Variants in MEIOB observed in about 807,000 individuals in gnomAD.
MEIOB encodes the protein meiosis specific with OB-fold.
In MEIOB, 50 loss-of-function variants were observed where a neutral mutation model predicts 53.1. The observed-to-expected ratio is 0.94, with a 90% CI of 0.75 to 1.19. The LOEUF is 1.19. Among genes scored for constraint, MEIOB ranks in the 50% most tolerant of loss-of-function variants. The pLI, the probability that MEIOB is intolerant of heterozygous loss-of-function variation, is 0.00. For missense variants in MEIOB, 551 were observed against 550.8 expected (o/e 1.00, Z 0.00); for synonymous variants, 192 against 182.5 (o/e 1.05, Z -0.42).
At chr16:1,857,979 G>T in intron 5 of MEIOB, 49 bp from the exon 6 acceptor site, 2 of 1,230,560 alleles carry the variant, frequency 1.6e-6, no homozygotes, top group Non-Finnish European at 2.3e-6. Context: ...TCTTTGGAAA[G>T]AAAAATATTT....
chr16:1,870,113 CCACCCG>C (rs1567283746), intron 1 of MEIOB, among the ~76,000 whole-genome samples: 1 of 151,996 alleles, frequency 6.6e-6, no homozygotes, highest in East Asian at 1.9e-4. Flanking sequence ...ACCTGATGAT[CCACCCG>C]CATCAGCCTC....
intron 6 of MEIOB, among the ~76,000 whole-genome samples, chr16:1,855,057 A>C (rs4786724): frequency 6.6e-6 from 1 of 152,028 alleles, no homozygotes; most frequent in African/African-American, 2.4e-5. Flanking sequence ...TGGGGTTGGG[A>C]AGGTGGAGAA....
intron 1 of MEIOB, among the ~76,000 whole-genome samples, chr16:1,871,615 C>G (rs1268627661): frequency 1.3e-5 from 2 of 148,284 alleles, no homozygotes; most frequent in African/African-American, 5.0e-5. Context: ...ACCTCCACCT[C>G]CCGGGTTCTA....
chr16:1,853,280 G>C lies in MEIOB; in HGVS notation c.630-9C>G. 1 of 1,541,922 alleles carries C rather than the reference G, an allele frequency of 6.5e-7. No homozygotes were observed. Among genetic ancestry groups the C allele is most frequent in the Non-Finnish European group, 8.8e-7 (1 of 1,138,146 alleles). On this transcript the variant is annotated splice_polypyrimidine_tract_variant and intron_variant, in intron 7 of 13. Coordinates refer to ENST00000325962, the MANE Select transcript of MEIOB (RefSeq NM_001163560.3). Reference sequence around the variant, plus strand: ...TGGATTCATTATCCCAACTGCATTTGTTTAAAAAGAAGTAATACAAATTGA... The same window carrying C: ...TGGATTCATTATCCCAACTGCATTTCTTTAAAAAGAAGTAATACAAATTGA...
At chr16:1,853,941 C>A (rs1406402864) in intron 7 of MEIOB, among the ~76,000 whole-genome samples, 159 bp downstream of exon 7, 9 of 152,224 alleles carry the variant, frequency 5.9e-5, no homozygotes, top group Non-Finnish European at 1.5e-5. Context: ...GTATCCATAA[C>A]AACTCAACAT....
At chr16:1,838,801 C>T (rs530695882) in intron 12 of MEIOB, among the ~76,000 whole-genome samples, 3 of 152,190 alleles carry the variant, frequency 2.0e-5, no homozygotes, top group African/African-American at 4.8e-5. Flanking sequence ...AAGTGATTCT[C>T]GTGCCCCAGC....
intron 9 of MEIOB, among the ~76,000 whole-genome samples, chr16:1,848,549 T>G (rs2142085310): frequency 6.8e-6 from 1 of 147,844 alleles, no homozygotes; most frequent in East Asian, 2.0e-4. Context: ...TTTTCCTTTT[T>G]TTTTTTTTTT....
intron 9 of MEIOB, among the ~76,000 whole-genome samples, chr16:1,847,524 C>A (rs1012836987): frequency 6.6e-6 from 1 of 150,894 alleles, no homozygotes; most frequent in African/African-American, 2.4e-5. Flanking sequence ...CACCTGTAAT[C>A]CTTCAGGAGG....
chr16:1,842,290 T>C (rs1898930724), intron 10 of MEIOB, among the ~76,000 whole-genome samples: 1 of 151,950 alleles, frequency 6.6e-6, no homozygotes, highest in African/African-American at 2.4e-5. Flanking sequence ...TCCAGAATTA[T>C]CTAAAGAATT....
At chr16:1,851,315 T>C (rs1899164644) in intron 9 of MEIOB, among the ~76,000 whole-genome samples, 1 of 152,164 alleles carries the variant, frequency 6.6e-6, no homozygotes, top group Admixed American at 6.6e-5. Flanking sequence ...CCCTTTAGCC[T>C]CCTCATCAAG....
At chr16:1,834,932 T>TCCCCCCCCCC (rs1175911238) in intron 13 of MEIOB, among the ~76,000 whole-genome samples, 2 of 106,216 alleles carry the variant, frequency 1.9e-5, no homozygotes, top group Non-Finnish European at 3.8e-5. Flanking sequence ...CGAAACTCTG[T>TCCCCCCCCCC]CCCCCCCACC....
intron 3 of MEIOB, among the ~76,000 whole-genome samples, chr16:1,862,630 G>A (rs1390270015): frequency 2.0e-5 from 3 of 151,618 alleles, no homozygotes; most frequent in African/African-American, 4.8e-5. Context: ...AAAAATAAAA[G>A]TAAAAATAGG....
At chr16:1,840,740 CAG>C (rs959525785) in intron 11 of MEIOB, among the ~76,000 whole-genome samples, 1 of 151,928 alleles carries the variant, frequency 6.6e-6, no homozygotes, top group African/African-American at 2.4e-5. Context: ...TTAGTAGAGA[CAG>C]GGTTTCACCG....
chr16:1,865,469 A>T (rs1899566129), intron 3 of MEIOB, among the ~76,000 whole-genome samples: 1 of 63,834 alleles, frequency 1.6e-5, no homozygotes, highest in Non-Finnish European at 3.4e-5. Context: ...TCAAATATAC[A>T]TATATACACA....
intron 13 of MEIOB, among the ~76,000 whole-genome samples, chr16:1,835,977 A>G (rs928669081): frequency 6.6e-6 from 1 of 151,538 alleles, no homozygotes; most frequent in African/African-American, 2.4e-5. Flanking sequence ...CTACTGCCTC[A>G]GCCTCCTGAG....
intron 6 of MEIOB, among the ~76,000 whole-genome samples, chr16:1,854,989 T>G (rs887483121): frequency 6.6e-6 from 1 of 152,062 alleles, no homozygotes; most frequent in Non-Finnish European, 1.5e-5. Flanking sequence ...GCATCTGTGG[T>G]GCCCAGAGAA....
Position 1,854,196 on chromosome 16 carries a change from C to T in MEIOB, c.533G>A (p.Gly178Glu). The part of the protein sequence containing the change: ...INVLAAVKSV[G>E]EPKYFTTSDR... Reference sequence around the variant, plus strand: ...TGAAGTTGTAAAGTATTTTGGCTCTCCAACCTTAGAAATGGAAATAAATCA... The same window carrying T: ...TGAAGTTGTAAAGTATTTTGGCTCTTCAACCTTAGAAATGGAAATAAATCA... Residue 178 changes from glycine (G) to glutamate (E), a missense_variant, in exon 7 of 14, where the codon GGA (glycine) becomes GAA (glutamate). Coordinates refer to ENST00000325962, the MANE Select transcript of MEIOB (RefSeq NM_001163560.3). The T allele has an allele frequency of 6.5e-7, 1 of 1,534,744 alleles. No individual in the cohort carries two copies. Among genetic ancestry groups the T allele is most frequent in the Non-Finnish European group, 8.8e-7 (1 of 1,133,054 alleles).
At chr16:1,851,156 A>T (rs1899159859) in intron 9 of MEIOB, among the ~76,000 whole-genome samples, 1 of 152,068 alleles carries the variant, frequency 6.6e-6, no homozygotes, top group Non-Finnish European at 1.5e-5. Context: ...AGCAGAAGCC[A>T]GTGCACTCTA....
intron 9 of MEIOB, among the ~76,000 whole-genome samples, chr16:1,852,037 AT>A (rs1899184048): frequency 6.6e-6 from 1 of 152,176 alleles, no homozygotes; most frequent in African/African-American, 2.4e-5. Flanking sequence ...CCAGGGGATC[AT>A]CTGGGCATTT....
Sources: gnomAD v4.1 joint callset for allele counts (sites outside exome capture counted in the v4.1 genomes callset) on GRCh38, gnomAD v4.1.1 for gene constraint, MANE v1.5 for transcripts, NCBI Gene and HGNC (gene_info 2026-07-23, HGNC 2026-07-21) for gene names.